Variants in ACTL8 observed in about 807,000 individuals in gnomAD.
ACTL8 encodes actin-like protein 8.
Under a neutral mutation model 9.3 loss-of-function variants are expected in ACTL8, and 3 were observed. That is an observed-to-expected ratio of 0.32 (90% CI 0.15 to 0.83). ACTL8 has a LOEUF of 0.83. Ranked by LOEUF, ACTL8 falls within the 40% of genes least tolerant of loss-of-function variation. The pLI is 0.57. For synonymous variants in ACTL8, 224 were observed against 205.9 expected (o/e 1.09, Z -0.75); for missense variants, 381 against 492.2 (o/e 0.77, Z 2.14).
At chr1:17,786,527 C>T (rs1230834164) in intron 1 of ACTL8, among the ~76,000 whole-genome samples, 2 of 152,250 alleles carry the variant, frequency 1.3e-5, no homozygotes, top group African/African-American at 4.8e-5. Context: ...TAGCCTGTTA[C>T]TTAGCCTGTT....
chr1:17,804,735 G>C (rs757445833), intron 1 of ACTL8, among the ~76,000 whole-genome samples: 5 of 151,838 alleles, frequency 3.3e-5, no homozygotes, highest in Non-Finnish European at 7.4e-5. Flanking sequence ...TTCTGCCTTA[G>C]CCTCCTGAGT....
intron 1 of ACTL8, among the ~76,000 whole-genome samples, chr1:17,773,059 G>A (rs531786235): frequency 5.7e-4 from 87 of 152,298 alleles, no homozygotes; most frequent in African/African-American, 1.8e-3. Flanking sequence ...TATTGTCCTC[G>A]CTGCGTCGGA....
intron 1 of ACTL8, among the ~76,000 whole-genome samples, chr1:17,822,539 A>T (rs963429102): frequency 1.3e-5 from 2 of 152,166 alleles, no homozygotes; most frequent in African/African-American, 4.8e-5. Flanking sequence ...CATTGTTATT[A>T]CTGAAGGTGG....
intron 1 of ACTL8, among the ~76,000 whole-genome samples, chr1:17,802,058 G>C (rs1284011558): frequency 6.6e-6 from 1 of 152,204 alleles, no homozygotes; most frequent in East Asian, 1.9e-4. Flanking sequence ...AGCATGAAGA[G>C]AAACAAGAAA....
chr1:17,824,129 A>G (rs954922528), intron 2 of ACTL8, among the ~76,000 whole-genome samples: 2 of 152,182 alleles, frequency 1.3e-5, no homozygotes, highest in Non-Finnish European at 2.9e-5. Context: ...GAGCGGCAAG[A>G]GGCAAATAGG....
chr1:17,812,867 G>A (rs2066402472), intron 1 of ACTL8, among the ~76,000 whole-genome samples: 2 of 152,080 alleles, frequency 1.3e-5, no homozygotes, highest in Admixed American at 6.6e-5. Context: ...TGTTTTGTTA[G>A]ATTTATACCA....
chr1:17,774,811 A>G (rs1057248081), intron 1 of ACTL8, among the ~76,000 whole-genome samples: 2 of 152,158 alleles, frequency 1.3e-5, no homozygotes, highest in South Asian at 2.1e-4. Context: ...AGCCGCTGGA[A>G]GAGGGCTGAG....
chr1:17,797,387 CT>C, intron 1 of ACTL8, among the ~76,000 whole-genome samples: 1 of 152,346 alleles, frequency 6.6e-6, no homozygotes, highest in East Asian at 1.9e-4. Context: ...GACCCCACCT[CT>C]TTGAAGTGCC....
At chr1:17,784,195 ATCT>A (rs1157785168) in intron 1 of ACTL8, among the ~76,000 whole-genome samples, 1 of 152,222 alleles carries the variant, frequency 6.6e-6, no homozygotes, top group Non-Finnish European at 1.5e-5. Flanking sequence ...GGAAGCAAGC[ATCT>A]TCTTAACATG....
intron 1 of ACTL8, among the ~76,000 whole-genome samples, chr1:17,806,458 C>A (rs1345411478): frequency 2.6e-5 from 4 of 152,170 alleles, no homozygotes; most frequent in Non-Finnish European, 5.9e-5. Flanking sequence ...CTTTAAGAGG[C>A]GCAAGTCTCC....
intron 1 of ACTL8, among the ~76,000 whole-genome samples, chr1:17,792,327 C>T (rs1437936778): frequency 6.6e-6 from 1 of 152,156 alleles, no homozygotes; most frequent in African/African-American, 2.4e-5. Context: ...TTTCATAGGC[C>T]CATGGCTGGT....
intron 1 of ACTL8, among the ~76,000 whole-genome samples, chr1:17,785,441 T>TC (rs2066189976): frequency 1.3e-5 from 2 of 152,210 alleles, no homozygotes; most frequent in African/African-American, 2.4e-5. Context: ...ATTTGGACTA[T>TC]CCCCTTTTGT....
At chr1:17,817,111 T>G (rs1055533121) in intron 1 of ACTL8, among the ~76,000 whole-genome samples, 2 of 152,110 alleles carry the variant, frequency 1.3e-5, no homozygotes, top group African/African-American at 4.8e-5. Flanking sequence ...TTAGTCCTAC[T>G]CAGTAGGAAA....
chr1:17,793,807 C>G (rs988598522), intron 1 of ACTL8, among the ~76,000 whole-genome samples: 46 of 152,156 alleles, frequency 3.0e-4, no homozygotes, highest in African/African-American at 1.0e-3. Context: ...TCTCCTGGCC[C>G]ATGCTCTGCT....
chr1:17,756,226 G>T (rs528454559), intron 1 of ACTL8, among the ~76,000 whole-genome samples: 1 of 152,182 alleles, frequency 6.6e-6, no homozygotes, highest in Middle Eastern at 3.4e-3. Flanking sequence ...GGGGGCCTCA[G>T]CCCTGGGGGC....
intron 1 of ACTL8, among the ~76,000 whole-genome samples, chr1:17,779,821 A>G (rs1049415124): frequency 2.0e-5 from 3 of 152,172 alleles, no homozygotes; most frequent in Non-Finnish European, 1.5e-5. Context: ...TCATGGCCCT[A>G]CCTGGAGTGG....
intron 1 of ACTL8, among the ~76,000 whole-genome samples, chr1:17,756,927 C>G (rs965164487): frequency 6.6e-6 from 1 of 152,140 alleles, no homozygotes; most frequent in Non-Finnish European, 1.5e-5. Flanking sequence ...TTGAGGGCTC[C>G]TGTCTTCAAG....
At chr1:17,781,599 C>T (rs2066155259) in intron 1 of ACTL8, among the ~76,000 whole-genome samples, 1 of 152,146 alleles carries the variant, frequency 6.6e-6, no homozygotes, top group Non-Finnish European at 1.5e-5. Context: ...AGGAGGATTT[C>T]ATCTTGAGAT....
intron 1 of ACTL8, among the ~76,000 whole-genome samples, chr1:17,764,808 T>A (rs1394396157): frequency 2.0e-5 from 3 of 152,336 alleles, no homozygotes; most frequent in East Asian, 1.9e-4. Context: ...CAGAAACTGA[T>A]GTGTTAACAG....
Sources: gnomAD v4.1 joint callset for allele counts (sites outside exome capture counted in the v4.1 genomes callset) on GRCh38, gnomAD v4.1.1 for gene constraint, MANE v1.5 for transcripts, NCBI Gene and HGNC (gene_info 2026-07-23, HGNC 2026-07-21) for gene names.